The following PLK3 variants were observed in gnomAD, a reference collection of about 807,000 sequenced individuals.
PLK3 encodes polo like kinase 3.
In PLK3, 41 loss-of-function variants were observed where a neutral mutation model predicts 71.6. That is an observed-to-expected ratio of 0.57 (90% CI 0.45 to 0.74). The LOEUF (loss-of-function observed/expected upper bound fraction) is 0.74. Among genes scored for constraint, PLK3 ranks in the 30% least tolerant of loss-of-function variants. The pLI is 0.00. For synonymous variants in PLK3, 366 were observed against 355.4 expected (o/e 1.03, Z -0.33); for missense variants, 791 against 875.6 (o/e 0.90, Z 1.22).
intron 13 of PLK3, 117 bp downstream of exon 13, chr1:44,804,896 G>C: frequency 1.1e-6 from 1 of 930,366 alleles, no homozygotes; most frequent in Non-Finnish European, 1.6e-6. Flanking sequence ...ATGAGGTCAG[G>C]AGATCGAGAC....
In PLK3 at chr1:44,805,367, T is replaced by C. The variant is rs199603205; in HGVS notation, c.1737T>C (p.Asp579=). ...TDQALLMLFS[D]GTVQVNFYGD... is the part of the protein sequence containing the mutation. The stretch of plus-strand genomic sequence containing the variant: ...AGGCTCTCCTCATGCTGTTTAGTGA[T>C]GGCACTGTCCAGGTAAGAGCCTATC... Residue 579 remains aspartate, a synonymous_variant, in exon 14 of 15, where the codon GAT becomes GAC. Transcript: ENST00000372201. 569 of 1,613,606 alleles carry C rather than the reference T, an allele frequency of 3.5e-4. 2 individuals carry two copies. Among genetic ancestry groups the C allele is most frequent in the Non-Finnish European group, 4.3e-4 (503 of 1,179,502 alleles).
In PLK3 at chr1:44,802,864, C is replaced by T. The variant is rs1651876421; in HGVS notation, c.749+9C>T. On this transcript the variant is annotated intron_variant, in intron 6 of 14. Transcript: ENST00000372201. ...TCACTGGGCTGTGTCATGTGAGTTG[C>T]AGGGTCCAGGTTCAGCAGCAGACAG... 1.2e-6 allele frequency: 2 copies of T among 1,611,406 alleles called. No homozygotes were observed. Among genetic ancestry groups the T allele is most frequent in the African/African-American group, 2.7e-5 (2 of 74,850 alleles).
intron 5 of PLK3, 80 bp from the exon 6 acceptor site, chr1:44,802,680 T>G: frequency 1.0e-6 from 1 of 958,464 alleles, no homozygotes; most frequent in Non-Finnish European, 1.7e-6. Flanking sequence ...CTGCTTTGTC[T>G]GGACTAACAG....
Position 44,800,870 on chromosome 1 carries a change from GAC to G in PLK3, c.245_246del (p.Thr82ArgfsTer28). 6 of 1,611,692 alleles carry G rather than the reference GAC, an allele frequency of 3.7e-6. No individual in the cohort carries two copies. Among genetic ancestry groups the G allele is most frequent in the Non-Finnish European group, 5.1e-6 (6 of 1,179,828 alleles). On this transcript the variant is annotated frameshift_variant, in exon 2 of 15. Transcript: ENST00000372201. LOFTEE classifies it high-confidence loss of function. This position sits in a 1 kb window ranked among gnomAD's most constrained non-coding sequence, Gnocchi z 6.5. ...CTTCGCCCGCTGCTACGAGGCCACT[GAC>G]ACAGAGACTGGCAGCGCCTACGCTG... ...GGFARCYEATDTETGSAYAVK... is the reference protein window; with the variant it reads ...GGFARCYEATXTETGSAYAVK...
chr1:44,802,678 T>C, intron 5 of PLK3, 82 bp from the exon 6 acceptor site: 1 of 941,752 alleles, frequency 1.1e-6, no homozygotes, highest in Non-Finnish European at 1.7e-6. Flanking sequence ...AGCTGCTTTG[T>C]CTGGACTAAC....
chr1:44,802,802 G>A lies in PLK3; in HGVS notation c.696G>A (p.Leu232=), dbSNP rs1167493706. The change falls in exon 6 of 15, where the codon CTG becomes CTA. Residue 232 remains leucine, a synonymous_variant. Transcript: ENST00000372201. Reference sequence around the variant, plus strand: ...CCAACTATGTGGCTCCAGAAGTGCTGCTGAGACAGGGCCACGGCCCTGAGG... The same window carrying A: ...CCAACTATGTGGCTCCAGAAGTGCTACTGAGACAGGGCCACGGCCCTGAGG... ...GTPNYVAPEV[L]LRQGHGPEAD... 1.2e-6 allele frequency: 2 copies of A among 1,613,930 alleles called. No individual in the cohort carries two copies. Among genetic ancestry groups the A allele is most frequent in the South Asian group, 1.1e-5 (1 of 91,076 alleles).
chr1:44,801,366 C>T (rs1417636628), intron 3 of PLK3, among the ~76,000 whole-genome samples: 3 of 151,974 alleles, frequency 2.0e-5, no homozygotes, highest in African/African-American at 4.8e-5. Context: ...TGCACCACCA[C>T]GCCCGGCTAA....
In PLK3 at chr1:44,803,319, C is replaced by A; in HGVS notation, c.1000C>A (p.Leu334Met). 6.2e-7 allele frequency: 1 copy of A among 1,614,166 alleles called. No homozygotes were observed. Among genetic ancestry groups the A allele is most frequent in the South Asian group, 1.1e-5 (1 of 91,084 alleles). The part of the protein sequence containing the change: ...PISSCVTVPD[L>M]TPPNPARSLF... ...CAGCAGCTGCGTGACAGTCCCAGAC[C>A]TGACACCCCCCAACCCAGCTAGGAG... The change falls in exon 8 of 15, where the codon CTG (leucine) becomes ATG (methionine). Residue 334 changes from leucine (L) to methionine (M), a missense_variant. Coordinates refer to ENST00000372201, the MANE Select transcript of PLK3 (RefSeq NM_004073.4). This position sits in a 1 kb window ranked among gnomAD's most constrained non-coding sequence, Gnocchi z 4.3.
At chr1:44,801,814 G>T in intron 4 of PLK3, 31 bp from the exon 5 acceptor site, 4 of 1,610,590 alleles carry the variant, frequency 2.5e-6, no homozygotes, top group Non-Finnish European at 3.4e-6. Flanking sequence ...AGGAAGGAAA[G>T]AATCTGACAC....
chr1:44,805,166 T>G, intron 13 of PLK3, 100 bp from the exon 14 acceptor site: 1 of 772,742 alleles, frequency 1.3e-6, no homozygotes. Flanking sequence ...TCCCCCTTGG[T>G]GGTGGTTGGG....
Position 44,804,021 on chromosome 1 carries a change from G to C in PLK3, c.1255G>C (p.Asp419His). The change falls in exon 10 of 15, where the codon GAT becomes CAT. Residue 419 changes from aspartate to histidine, a missense_variant. Physicochemically the swap from Asp to His is moderately conservative, Grantham distance 81. Transcript: ENST00000372201. ...CCGTGGGACACTGGCAAGCAGTGGAGATGGTGAGGAGCCAGGGAGGATGAG... is the reference window on the plus strand; with the variant it reads ...CCGTGGGACACTGGCAAGCAGTGGACATGGTGAGGAGCCAGGGAGGATGAG... ...SPRGTLASSG[D>H]GFEEGLTVAT... 1 of 1,553,752 alleles carries C rather than the reference G, an allele frequency of 6.4e-7. No homozygotes were observed. The highest frequency in any genetic ancestry group is 2.4e-5 in the East Asian group (1 of 41,522).
chr1:44,803,075 C>G lies in PLK3; in HGVS notation c.870C>G (p.Leu290=), dbSNP rs750686581. ...GCCTCTCACTGCCTGCCCGGCAGCT[C>G]CTGGCCGCCATCCTTCGGGCCTCAC... The part of the protein sequence containing the change: ...PASLSLPARQ[L]LAAILRASPR... The change falls in exon 7 of 15, where the codon CTC becomes CTG. Residue 290 remains leucine, a synonymous_variant. Coordinates refer to ENST00000372201, the MANE Select transcript of PLK3 (RefSeq NM_004073.4). The surrounding 1 kb of genome is among the most constrained non-coding windows in gnomAD (Gnocchi z 4.3). 6.2e-7 allele frequency: 1 copy of G among 1,613,834 alleles called. No individual in the cohort carries two copies. The highest frequency in any genetic ancestry group is 8.5e-7 in the Non-Finnish European group (1 of 1,180,004).
intron 10 of PLK3, 32 bp downstream of exon 10, chr1:44,804,056 A>G: frequency 6.5e-7 from 1 of 1,541,690 alleles, no homozygotes; most frequent in Non-Finnish European, 8.9e-7. Context: ...GAGGTGATAG[A>G]GGTTGCTGGA....
rs768687792 is a variant in PLK3, at chr1:44,802,970, C to T, written c.765C>T (p.Cys255=). The part of the protein sequence containing the change: ...SLGCVMYTLL[C]GSPPFETADL... Reference sequence around the variant, plus strand: ...TGCCCTATAGGTACACGCTGCTCTGCGGGAGCCCTCCCTTTGAGACGGCTG... The same window carrying T: ...TGCCCTATAGGTACACGCTGCTCTGTGGGAGCCCTCCCTTTGAGACGGCTG... The change falls in exon 7 of 15, where the codon TGC becomes TGT. Residue 255 remains cysteine (C), a synonymous_variant. Transcript: ENST00000372201. The T allele has an allele frequency of 1.4e-5, 22 of 1,613,894 alleles. No individual in the cohort carries two copies. Among genetic ancestry groups the T allele is most frequent in the Admixed American group, 8.3e-5 (5 of 60,002 alleles).
Position 44,800,494 on chromosome 1 carries a change from C to T in PLK3, c.31C>T (p.Arg11Cys), listed in dbSNP as rs1417732351. Residue 11 changes from arginine to cysteine, a missense_variant, in exon 1 of 15, where the codon CGC becomes TGC. Arg to Cys is a radical substitution (Grantham distance 180). Transcript: ENST00000372201. This position sits in a 1 kb window ranked among gnomAD's most constrained non-coding sequence, Gnocchi z 6.5. MEPAAGFLSP[R>C]PFQRAAAAPA... ...GCCTGCCGCCGGTTTCCTGTCTCCG[C>T]GCCCCTTCCAGCGTGCGGCCGCCGC... The T allele has an allele frequency of 3.5e-6, 5 of 1,446,288 alleles. No homozygotes were observed. The highest frequency in any genetic ancestry group is 4.5e-6 in the Non-Finnish European group (5 of 1,106,932). 89.6% of individuals were successfully genotyped at this position (1,446,288 alleles called of 1,614,324 possible).
intron 12 of PLK3, 60 bp downstream of exon 12, chr1:44,804,561 C>T (rs1003244660): frequency 1.1e-5 from 17 of 1,604,826 alleles, no homozygotes; most frequent in African/African-American, 6.7e-5. Context: ...GCCGCACCCT[C>T]GTGAGTGCTC....
intron 3 of PLK3, 123 bp from the exon 4 acceptor site, chr1:44,801,499 C>T: frequency 5.6e-6 from 6 of 1,070,178 alleles, no homozygotes; most frequent in Non-Finnish European, 8.1e-6. Context: ...TGAGCCACTA[C>T]ACCCAGCCGA....
Position 44,803,583 on chromosome 1 carries a change from TCA to T in PLK3, c.1073-15_1073-14del. 2 of 1,610,624 alleles carry T rather than the reference TCA, an allele frequency of 1.2e-6. No homozygotes were observed. The highest frequency in any genetic ancestry group is 1.7e-6 in the Non-Finnish European group (2 of 1,176,966). ...GCTGGGCAGGATACTGAGGACGGTA[TCA>T]CCTTTCACCCCCAGGTAAGAATCAT... is the stretch of plus-strand genomic sequence containing the variant. On this transcript the variant is annotated splice_polypyrimidine_tract_variant and intron_variant, in intron 8 of 14. Transcript: ENST00000372201. This position sits in a 1 kb window ranked among gnomAD's most constrained non-coding sequence, Gnocchi z 4.3.
chr1:44,805,594 C>T lies in PLK3; in HGVS notation c.1857C>T (p.His619=). 6.2e-7 allele frequency: 1 copy of T among 1,614,200 alleles called. No individual in the cohort carries two copies. The highest frequency in any genetic ancestry group is 8.5e-7 in the Non-Finnish European group (1 of 1,179,982). Residue 619 remains histidine (H), a synonymous_variant, in exon 15 of 15, where the codon CAC becomes CAT. Transcript: ENST00000372201. Reference sequence around the variant, plus strand: ...GTGCTTGTACTTACCTCGCTTCCCACCTTCGGCAGCTGGGCTGCTCTCCAG... The same window carrying T: ...GTGCTTGTACTTACCTCGCTTCCCATCTTCGGCAGCTGGGCTGCTCTCCAG... ...NRSACTYLAS[H]LRQLGCSPDL...
Sources: allele counts gnomAD v4.1 joint callset (sites outside exome capture counted in the v4.1 genomes callset), GRCh38; gene constraint gnomAD v4.1.1; non-coding constraint Gnocchi (gnomAD v3.1); transcripts MANE v1.5; gene names NCBI Gene and HGNC (gene_info 2026-07-23, HGNC 2026-07-21).